Variants in PSMD2 observed in about 807,000 individuals in gnomAD.
PSMD2 encodes the protein proteasome 26S subunit ubiquitin receptor, non-ATPase 2.
In PSMD2, 8 loss-of-function variants were observed where a neutral mutation model predicts 101.5. That is an observed-to-expected ratio of 0.08 (90% CI 0.05 to 0.14). PSMD2 has a LOEUF of 0.14. Among genes scored for constraint, PSMD2 ranks in the 10% least tolerant of loss-of-function variants. The probability of loss-of-function intolerance (pLI) is 1.00; values close to 1 mark genes in which losing one functional copy is unlikely to be tolerated. For synonymous variants in PSMD2, 418 were observed against 433.8 expected, an observed-to-expected ratio of 0.96 and a Z score of 0.45; for missense variants, 784 against 1,147.4, an observed-to-expected ratio of 0.68 and a Z score of 4.58.
chr3:184,300,313 G>C lies in PSMD2; in HGVS notation c.226G>C (p.Glu76Gln), dbSNP rs1721601011. Reference sequence around the variant, plus strand: ...TACATCCCTGTATCGACCAGCGCTGGAGGAATTGCGAAGGCAGATTCGTTC... The same window carrying C: ...TACATCCCTGTATCGACCAGCGCTGCAGGAATTGCGAAGGCAGATTCGTTC... ...KDTSLYRPAL[E>Q]ELRRQIRSST... Residue 76 changes from glutamate (E) to glutamine (Q), a missense_variant, in exon 3 of 21, where the codon GAG (glutamate) becomes CAG (glutamine). Coordinates refer to ENST00000310118, the MANE Select transcript of PSMD2 (RefSeq NM_002808.5). 15 of 1,613,926 alleles carry C rather than the reference G, an allele frequency of 9.3e-6. No homozygotes were observed. Among genetic ancestry groups the C allele is most frequent in the Non-Finnish European group, 1.2e-5 (14 of 1,179,828 alleles).
chr3:184,302,315 G>T, intron 5 of PSMD2, 55 bp from the exon 6 acceptor site: 1 of 1,482,454 alleles, frequency 6.7e-7, no homozygotes, highest in South Asian at 1.2e-5. Flanking sequence ...GTGAATTCAT[G>T]GGGAAAATGA....
Position 184,300,427 on chromosome 3 carries a change from G to T in PSMD2, c.340G>T (p.Ala114Ser). ...GKLKEIYENM[A>S]PGENKRFAAD... is the part of the protein sequence containing the mutation. ...ACTGAAGGAAATCTATGAGAACATG[G>T]CCCCTGGGGAGAATAAGGTAAAACT... is the stretch of plus-strand genomic sequence containing the variant. The change falls in exon 3 of 21, where the codon GCC becomes TCC. Residue 114 changes from alanine to serine, a missense_variant. Physicochemically the swap from Ala to Ser is moderately conservative, Grantham distance 99. Coordinates refer to ENST00000310118, the MANE Select transcript of PSMD2 (RefSeq NM_002808.5). The T allele has an allele frequency of 1.2e-6, 2 of 1,613,668 alleles. No individual in the cohort carries two copies. The highest frequency in any genetic ancestry group is 1.7e-6 in the Non-Finnish European group (2 of 1,179,892).
intron 5 of PSMD2, 121 bp from the exon 6 acceptor site, chr3:184,302,249 A>T (rs1385112241): frequency 1.7e-6 from 2 of 1,211,654 alleles, no homozygotes; most frequent in African/African-American, 3.1e-5. Context: ...AGTAGTTCTA[A>T]CATCTAGCAC....
rs760627306 is a variant in PSMD2, at chr3:184,305,848, G to T, written c.1620G>T (p.Gln540His). 6.2e-7 allele frequency: 1 copy of T among 1,614,068 alleles called. No individual in the cohort carries two copies. The highest frequency in any genetic ancestry group is 8.5e-7 in the Non-Finnish European group (1 of 1,180,050). The stretch of plus-strand genomic sequence containing the variant: ...GAGATGTAACTTCCACTATCCTTCA[G>T]ACCATCATGGAGAAGTCAGAGACTG... ...CNGDVTSTIL[Q>H]TIMEKSETEL... The change falls in exon 13 of 21, where the codon CAG (glutamine) becomes CAT (histidine). Residue 540 changes from glutamine to histidine, a missense_variant. Coordinates refer to ENST00000310118, the MANE Select transcript of PSMD2 (RefSeq NM_002808.5).
rs1256157830 is a variant in PSMD2 at position 184,302,281 on chromosome 3, ATATT to A, written c.705-84_705-81del. 10 of 1,373,150 alleles carry A rather than the reference ATATT, an allele frequency of 7.3e-6. No homozygotes were observed. In the East Asian group the frequency reaches 1.9e-4, roughly 26 times the overall value. 85.1% of individuals were successfully genotyped at this position (1,373,150 alleles called of 1,614,324 possible). ...GCACAGTGCCTGGTGTATATAGTAG[ATATT>A]TATTATTTATTTTGGGTAAGTGAAT... On this transcript the variant is annotated intron_variant, in intron 5 of 20. Transcript: ENST00000310118.
chr3:184,304,481 T>A lies in PSMD2; in HGVS notation c.1539+90T>A. On this transcript the variant is annotated intron_variant, in intron 12 of 20. Coordinates refer to ENST00000310118, the MANE Select transcript of PSMD2 (RefSeq NM_002808.5). This position sits in a 1 kb window ranked among gnomAD's most constrained non-coding sequence, Gnocchi z 4.1. ...ATAAATAATGAAAAAGAAGTAAGTGTGTGCATGTGTGCATACATGTACATG... is the reference window on the plus strand; with the variant it reads ...ATAAATAATGAAAAAGAAGTAAGTGAGTGCATGTGTGCATACATGTACATG... 2.4e-6 allele frequency: 3 copies of A among 1,262,870 alleles called. No individual in the cohort carries two copies. The highest frequency in any genetic ancestry group is 3.4e-6 in the Non-Finnish European group (3 of 878,160). 78.2% of individuals were successfully genotyped at this position (1,262,870 alleles called of 1,614,324 possible).
intron 18 of PSMD2, 65 bp from the exon 19 acceptor site, chr3:184,307,825 G>A: frequency 6.2e-7 from 1 of 1,609,718 alleles, no homozygotes; most frequent in African/African-American, 1.3e-5. Context: ...ATTTCTGTTT[G>A]GCTGGGTTAG....
In PSMD2 at chr3:184,304,452, T is replaced by C. The variant is rs1309423516; in HGVS notation, c.1539+61T>C. 1.6e-5 allele frequency: 24 copies of C among 1,505,556 alleles called. No individual in the cohort carries two copies. Among genetic ancestry groups the C allele is most frequent in the Non-Finnish European group, 2.1e-5 (23 of 1,081,792 alleles). The allele number at this position is 1,505,556 out of a possible 1,614,324, so 93.3% of individuals were successfully genotyped here. A position where few individuals can be genotyped will look rare whatever the true frequency, so the allele number is the denominator to read the frequency against. On this transcript the variant is annotated intron_variant, in intron 12 of 20. Transcript: ENST00000310118. The surrounding 1 kb of genome is among the most constrained non-coding windows in gnomAD (Gnocchi z 4.1). ...GGAAGGTGCTTTGAGTCTTACTTTC[T>C]GTGATAAATAATGAAAAAGAAGTAA...
chr3:184,306,347 C>G lies in PSMD2; in HGVS notation c.1805-3C>G. 1 of 1,613,064 alleles carries G rather than the reference C, an allele frequency of 6.2e-7. No homozygotes were observed. The highest frequency in any genetic ancestry group is 8.5e-7 in the Non-Finnish European group (1 of 1,179,618). On this transcript the variant is annotated splice_region_variant and splice_polypyrimidine_tract_variant and intron_variant, in intron 14 of 20. Transcript: ENST00000310118. Reference sequence around the variant, plus strand: ...TCCATTCTCCCTCACCACCCTGACGCAGGCTCTGGGAATGTGCTGAAGGTG... The same window carrying G: ...TCCATTCTCCCTCACCACCCTGACGGAGGCTCTGGGAATGTGCTGAAGGTG...
intron 2 of PSMD2, among the ~76,000 whole-genome samples, 179 bp from the exon 3 acceptor site, chr3:184,300,101 T>C (rs1486327043): frequency 6.6e-6 from 1 of 152,176 alleles, no homozygotes; most frequent in Non-Finnish European, 1.5e-5. Context: ...GCAGAGTTCT[T>C]ACCTCTTAAC....
At chr3:184,305,487 C>CAAAAAA (rs200304556) in intron 12 of PSMD2, among the ~76,000 whole-genome samples, 1 of 112,042 alleles carries the variant, frequency 8.9e-6, no homozygotes, top group African/African-American at 4.1e-5. Flanking sequence ...GACTCTGTCT[C>CAAAAAA]AAAAAAAAAA....
chr3:184,307,346 T>TG lies in PSMD2; in HGVS notation c.2035-9dup. 1 of 1,613,850 alleles carries TG rather than the reference T, an allele frequency of 6.2e-7. No individual in the cohort carries two copies. Among genetic ancestry groups the TG allele is most frequent in the Non-Finnish European group, 8.5e-7 (1 of 1,179,728 alleles). ...ATTCCGCCTTACTGTTGTATTTTCT[T>TG]GGATCATCAGCTGAGATATGGGGAG... is the stretch of plus-strand genomic sequence containing the variant. On this transcript the variant is annotated splice_polypyrimidine_tract_variant and intron_variant, in intron 16 of 20. Coordinates refer to ENST00000310118, the MANE Select transcript of PSMD2 (RefSeq NM_002808.5).
rs1721879547 is a variant in PSMD2 at position 184,307,685 on chromosome 3, C to T, written c.2275C>T (p.Leu759Phe). 1 of 1,614,058 alleles carries T rather than the reference C, an allele frequency of 6.2e-7. No homozygotes were observed. The highest frequency in any genetic ancestry group is 1.3e-5 in the African/African-American group (1 of 74,932). The change falls in exon 18 of 21, where the codon CTC (leucine) becomes TTC (phenylalanine). Residue 759 changes from leucine to phenylalanine, a missense_variant. Transcript: ENST00000310118. ...ATATCATGCCAAGGACCCAAACAAC[C>T]TCTTCATGGTGCGCTTGGCACAGGT... Reference protein sequence around the residue: ...AQYHAKDPNNLFMVRLAQGLT... With the variant: ...AQYHAKDPNNFFMVRLAQGLT...
Position 184,307,683 on chromosome 3 carries a change from A to G in PSMD2, c.2273A>G (p.Asn758Ser). The change falls in exon 18 of 21, where the codon AAC (asparagine) becomes AGC (serine). Residue 758 changes from asparagine to serine, a missense_variant. By Grantham distance (46) the Asn-to-Ser change is conservative (BLOSUM62 1). This residue lies in a region of PSMD2 where 282 missense variants were observed against 437.6 expected (regional missense o/e 0.64). Coordinates refer to ENST00000310118, the MANE Select transcript of PSMD2 (RefSeq NM_002808.5). Reference protein sequence around the residue: ...LAQYHAKDPNNLFMVRLAQGL... With the variant: ...LAQYHAKDPNSLFMVRLAQGL... ...CAATATCATGCCAAGGACCCAAACA[A>G]CCTCTTCATGGTGCGCTTGGCACAG... The G allele has an allele frequency of 6.2e-7, 1 of 1,614,010 alleles. No homozygotes were observed. Among genetic ancestry groups the G allele is most frequent in the Non-Finnish European group, 8.5e-7 (1 of 1,179,988 alleles).
Position 184,303,307 on chromosome 3 carries a change from C to T in PSMD2, c.1070-13C>T, listed in dbSNP as rs1317423128. 31 of 1,607,078 alleles carry T rather than the reference C, an allele frequency of 1.9e-5. No individual in the cohort carries two copies. The highest frequency in any genetic ancestry group is 2.2e-5 in the Non-Finnish European group (26 of 1,177,782). On this transcript the variant is annotated splice_polypyrimidine_tract_variant and intron_variant, in intron 8 of 20. Coordinates refer to ENST00000310118, the MANE Select transcript of PSMD2 (RefSeq NM_002808.5). ...ACCTTCTTTCCTTACTTTTCCTCTCCCTCCTGTTGCAGGGTTTGGGGGCAG... is the reference window on the plus strand; with the variant it reads ...ACCTTCTTTCCTTACTTTTCCTCTCTCTCCTGTTGCAGGGTTTGGGGGCAG...
At chr3:184,299,574 C>A in intron 1 of PSMD2, 173 bp downstream of exon 1, 1 of 977,970 alleles carries the variant, frequency 1.0e-6, no homozygotes, top group Non-Finnish European at 1.4e-6. Context: ...CCGTTCCGCG[C>A]TGTCACCTCC....
rs566713540 is a variant in PSMD2 at position 184,301,725 on chromosome 3, G to A, written c.479+67G>A. The A allele has an allele frequency of 8.1e-6, 13 of 1,610,306 alleles. No homozygotes were observed. The African/African-American group carries it at 1.1e-4, about 13-fold the overall frequency. Reference sequence around the variant, plus strand: ...CTCTGAGATAATTCAGAATTTTCTTGTGGAGTACAATCTGTCTTGGAGCAT... The same window carrying A: ...CTCTGAGATAATTCAGAATTTTCTTATGGAGTACAATCTGTCTTGGAGCAT... On this transcript the variant is annotated intron_variant, in intron 4 of 20. Coordinates refer to ENST00000310118, the MANE Select transcript of PSMD2 (RefSeq NM_002808.5).
Position 184,301,668 on chromosome 3 carries a change from T to A in PSMD2, c.479+10T>A, listed in dbSNP as rs1721648419. ...GTCATGAGTATGTCAGGTAAGATCTTTCTTCTTGGGAATCCGAAGGGGGCT... is the reference window on the plus strand; with the variant it reads ...GTCATGAGTATGTCAGGTAAGATCTATCTTCTTGGGAATCCGAAGGGGGCT... On this transcript the variant is annotated intron_variant, in intron 4 of 20. Transcript: ENST00000310118. 1 of 1,613,944 alleles carries A rather than the reference T, an allele frequency of 6.2e-7. No individual in the cohort carries two copies. The highest frequency in any genetic ancestry group is 8.5e-7 in the Non-Finnish European group (1 of 1,179,934).
intron 1 of PSMD2, 141 bp from the exon 2 acceptor site, chr3:184,299,710 G>T: frequency 1.4e-6 from 1 of 726,098 alleles, no homozygotes; most frequent in South Asian, 1.7e-5. Flanking sequence ...TCTCACCAGG[G>T]CTTCCCATTC....
Sources: gnomAD v4.1 joint callset for allele counts (sites outside exome capture counted in the v4.1 genomes callset) on GRCh38, gnomAD v4.1.1 for gene constraint, gnomAD v4.1.1 regional missense constraint, Gnocchi (gnomAD v3.1) non-coding constraint, MANE v1.5 for transcripts, NCBI Gene and HGNC (gene_info 2026-07-23, HGNC 2026-07-21) for gene names.